Variants in ZZEF1 observed in about 807,000 individuals in gnomAD.
ZZEF1 encodes the protein zinc finger ZZ-type and EF-hand domain containing 1.
ZZEF1 carries 157 observed loss-of-function variants against 342.8 expected under a neutral mutation model. The observed-to-expected ratio is 0.46, with a 90% CI of 0.40 to 0.52. The LOEUF is 0.52. ZZEF1 is among the 20% of genes least tolerant of loss of function. The probability of loss-of-function intolerance (pLI) is 0.00; values close to 1 mark genes in which losing one functional copy is unlikely to be tolerated. For missense variants in ZZEF1, 3,480 were observed against 3,725.6 expected (o/e 0.93, Z 1.72); for synonymous variants, 1,505 against 1,429.1 (o/e 1.05, Z -1.20).
In ZZEF1 at chr17:4,042,577, T is replaced by G. The variant is rs1482748556; in HGVS notation, c.6167-9A>C. 1.2e-6 allele frequency: 2 copies of G among 1,609,608 alleles called. No individual in the cohort carries two copies. Among genetic ancestry groups the G allele is most frequent in the Non-Finnish European group, 1.7e-6 (2 of 1,178,486 alleles). ...TTCTGAATCTTCAGCATCTAAGTGGTAAAACAAACTTTCAGAATTTGCCTG... is the reference window on the plus strand; with the variant it reads ...TTCTGAATCTTCAGCATCTAAGTGGGAAAACAAACTTTCAGAATTTGCCTG... On this transcript the variant is annotated splice_polypyrimidine_tract_variant and intron_variant, in intron 38 of 54. Transcript: ENST00000381638.
At chr17:4,115,612 G>A (rs568239089) in intron 3 of ZZEF1, among the ~76,000 whole-genome samples, 3 of 151,952 alleles carry the variant, frequency 2.0e-5, no homozygotes, top group Admixed American at 6.6e-5. Context: ...TCGGTGAGCC[G>A]GGATCACACC....
chr17:4,008,953 T>C lies in ZZEF1; in HGVS notation c.8735A>G (p.Glu2912Gly), dbSNP rs1355713909. The change falls in exon 54 of 55, where the codon GAG (glutamate) becomes GGG (glycine). Residue 2912 changes from glutamate (E) to glycine (G), a missense_variant and splice_region_variant. By Grantham distance (98) the Glu-to-Gly change is moderately conservative. Around this residue, in one of 5 missense-constraint regions of ZZEF1, gnomAD observed 1,269 missense variants for 1,342.4 expected, o/e 0.95. Transcript: ENST00000381638. This position sits in a 1 kb window ranked among gnomAD's most constrained non-coding sequence, Gnocchi z 4.2. ...CAGGTAATCCTGCAGCACGCCAAGC[T>C]CCTGCAGAGAGAGAGCAGGGGCTGT... Reference protein sequence around the residue: ...LFFVTENRAQELGVLQDYLLA... With the variant: ...LFFVTENRAQGLGVLQDYLLA... 13 of 1,540,706 alleles carry C rather than the reference T, an allele frequency of 8.4e-6. No individual in the cohort carries two copies. The highest frequency in any genetic ancestry group is 9.6e-6 in the Non-Finnish European group (11 of 1,147,046).
At chr17:4,074,807 G>C (rs2057577472) in intron 23 of ZZEF1, among the ~76,000 whole-genome samples, 1 of 152,216 alleles carries the variant, frequency 6.6e-6, no homozygotes, top group South Asian at 2.1e-4. Flanking sequence ...AAGGATGAAG[G>C]CTCTTCATTT....
At chr17:4,038,061 A>C (rs760431269) in intron 39 of ZZEF1, among the ~76,000 whole-genome samples, 9 of 152,252 alleles carry the variant, frequency 5.9e-5, no homozygotes, top group African/African-American at 9.6e-5. Flanking sequence ...ACACTAACAT[A>C]TTTAGAAGTA....
At chr17:4,012,209 C>T (rs529430888) in intron 52 of ZZEF1, among the ~76,000 whole-genome samples, 19 of 152,286 alleles carry the variant, frequency 1.2e-4, no homozygotes, top group South Asian at 4.1e-4. Context: ...TTACTGGACT[C>T]GACGCTCAAG....
rs2056091762 is a variant in ZZEF1 at position 4,016,073 on chromosome 17, G to C, written c.8145+250C>G. Reference sequence around the variant, plus strand: ...CAGGGAAAGTAAAGCTCTCCTCCAGGGCTAGGTGGCCCATTTTCTTCTATT... The same window carrying C: ...CAGGGAAAGTAAAGCTCTCCTCCAGCGCTAGGTGGCCCATTTTCTTCTATT... On this transcript the variant is annotated intron_variant, in intron 49 of 54. Transcript: ENST00000381638. The surrounding 1 kb of genome is among the most constrained non-coding windows in gnomAD (Gnocchi z 4.4). 6.6e-6 allele frequency among the ~76,000 whole-genome samples: 1 copy of C among 152,186 alleles called. No homozygotes were observed. The highest frequency in any genetic ancestry group is 1.5e-5 in the Non-Finnish European group (1 of 68,032).
chr17:4,018,909 A>T (rs2466944), intron 46 of ZZEF1, among the ~76,000 whole-genome samples: 1 of 150,988 alleles, frequency 6.6e-6, no homozygotes, highest in Non-Finnish European at 1.5e-5. Context: ...TCACTCCACA[A>T]ATGAGAACGC....
rs764217859 is a variant in ZZEF1 at position 4,109,743 on chromosome 17, G to T, written c.1187C>A (p.Ala396Glu). The T allele has an allele frequency of 6.2e-7, 1 of 1,614,138 alleles. No homozygotes were observed. Among genetic ancestry groups the T allele is most frequent in the Non-Finnish European group, 8.5e-7 (1 of 1,180,024 alleles). The stretch of plus-strand genomic sequence containing the variant: ...TGTCAGCAGAGACCAATACCATATT[G>T]CAGAAGCATCTGAGACTGAGACCCC... Reference protein sequence around the residue: ...KSGVSVSDASAIWYWSLLTSL... With the variant: ...KSGVSVSDASEIWYWSLLTSL... Residue 396 changes from alanine to glutamate, a missense_variant, in exon 6 of 55, where the codon GCA (alanine) becomes GAA (glutamate). Ala to Glu is a moderately radical substitution (Grantham distance 107). Coordinates refer to ENST00000381638, the MANE Select transcript of ZZEF1 (RefSeq NM_015113.4).
chr17:4,074,236 A>C lies in ZZEF1; in HGVS notation c.3599T>G (p.Val1200Gly), dbSNP rs1437367286. The C allele has an allele frequency of 6.2e-7, 1 of 1,614,144 alleles. No homozygotes were observed. Among genetic ancestry groups the C allele is most frequent in the Admixed American group, 1.7e-5 (1 of 60,024 alleles). ...GAGCTGTAAATCCAGCCCCCAAGAC[A>C]CGGCAACATCGGGCAGCCCACAGGC... ...VTACGLPDVA[V>G]SWGLDLQLLV... The change falls in exon 24 of 55, where the codon GTG (valine) becomes GGG (glycine). Residue 1200 changes from valine (V) to glycine (G), a missense_variant. This residue lies in a region of ZZEF1 where 1,528 missense variants were observed against 1,624.1 expected (regional missense o/e 0.94). Coordinates refer to ENST00000381638, the MANE Select transcript of ZZEF1 (RefSeq NM_015113.4).
chr17:4,136,364 A>G (rs1029871187), intron 1 of ZZEF1, among the ~76,000 whole-genome samples: 1 of 150,848 alleles, frequency 6.6e-6, no homozygotes, highest in Non-Finnish European at 1.5e-5. Flanking sequence ...AAACAAAGAC[A>G]TTACAGAGGC....
At chr17:4,120,732 G>T in intron 2 of ZZEF1, among the ~76,000 whole-genome samples, 1 of 152,214 alleles carries the variant, frequency 6.6e-6, no homozygotes, top group East Asian at 1.9e-4. Flanking sequence ...CCCGAGCTCA[G>T]GAGTTCAAGA....
intron 11 of ZZEF1, among the ~76,000 whole-genome samples, chr17:4,092,638 T>C (rs1319927635): frequency 1.3e-5 from 2 of 152,154 alleles, no homozygotes; most frequent in Non-Finnish European, 2.9e-5. Flanking sequence ...AAGTCTTTCT[T>C]GGCATAAACC....
chr17:4,050,044 GGT>G (rs1206757441), intron 36 of ZZEF1, among the ~76,000 whole-genome samples, 185 bp from the exon 37 acceptor site: 1 of 152,166 alleles, frequency 6.6e-6, no homozygotes, highest in African/African-American at 2.4e-5. Flanking sequence ...CCTCTCAGAT[GGT>G]GAGAGGCTGA....
chr17:4,009,354 G>A, intron 53 of ZZEF1: 2 of 594,822 alleles, frequency 3.4e-6, no homozygotes, highest in East Asian at 2.8e-5. Context: ...TGTTGTCAAG[G>A]GCTGATCCCG....
At chr17:4,103,813 G>A (rs577832902) in intron 8 of ZZEF1, among the ~76,000 whole-genome samples, 8 of 152,068 alleles carry the variant, frequency 5.3e-5, no homozygotes, top group Non-Finnish European at 2.9e-5. Context: ...CCAGGTACTC[G>A]GGAGAGTGAC....
chr17:4,135,951 T>C (rs1392494434), intron 1 of ZZEF1, among the ~76,000 whole-genome samples: 4 of 151,638 alleles, frequency 2.6e-5, no homozygotes, highest in African/African-American at 9.7e-5. Context: ...CAAGAAACAA[T>C]GCAATACTTT....
intron 6 of ZZEF1, 23 bp from the exon 7 acceptor site, chr17:4,105,832 G>A (rs748440002): frequency 1.3e-6 from 2 of 1,579,698 alleles, no homozygotes; most frequent in Non-Finnish European, 1.7e-6. Context: ...AATGTAAAAT[G>A]TAATCAGAAC....
chr17:4,057,523 C>T (rs1219802603), intron 32 of ZZEF1, among the ~76,000 whole-genome samples: 1 of 152,162 alleles, frequency 6.6e-6, no homozygotes, highest in Non-Finnish European at 1.5e-5. Flanking sequence ...ACCCTTCATA[C>T]ATGACTTTTT....
At chr17:4,045,106 A>G (rs1664086837) in intron 37 of ZZEF1, among the ~76,000 whole-genome samples, 1 of 152,118 alleles carries the variant, frequency 6.6e-6, no homozygotes. Context: ...GTGAGCCGAG[A>G]TTGCGCCACT....
Sources: allele counts gnomAD v4.1 joint callset (sites outside exome capture counted in the v4.1 genomes callset), GRCh38; gene constraint gnomAD v4.1.1; regional missense constraint gnomAD v4.1.1; non-coding constraint Gnocchi (gnomAD v3.1); transcripts MANE v1.5; gene names NCBI Gene and HGNC (gene_info 2026-07-23, HGNC 2026-07-21).